Variants in IMMP2L observed in about 807,000 individuals in gnomAD.
The protein encoded by IMMP2L is mitochondrial inner membrane protease subunit 2.
IMMP2L carries 18 observed loss-of-function variants against 19.3 expected under a neutral mutation model. The ratio of observed to expected loss-of-function variants is 0.93; its 90% CI spans 0.64 to 1.38. The LOEUF is 1.38. IMMP2L is among the 40% of genes most tolerant of loss of function. IMMP2L has a pLI of 0.00. For missense variants in IMMP2L, 233 were observed against 218.2 expected, an observed-to-expected ratio of 1.07 and a Z score of -0.43; for synonymous variants, 76 against 73.0, an observed-to-expected ratio of 1.04 and a Z score of -0.21.
chr7:110,965,521 C>T (rs917323917), intron 3 of IMMP2L, among the ~76,000 whole-genome samples: 3 of 151,776 alleles, frequency 2.0e-5, no homozygotes, highest in African/African-American at 4.8e-5. Flanking sequence ...TTGGCCTCAT[C>T]CCTTTATTAA....
chr7:111,447,793 G>A (rs1838662353), intron 3 of IMMP2L, among the ~76,000 whole-genome samples: 3 of 151,774 alleles, frequency 2.0e-5, no homozygotes, highest in African/African-American at 7.3e-5. Flanking sequence ...ACCCATCAGT[G>A]TGCTGCATTC....
At chr7:110,796,408 CACA>C (rs1800865618) in intron 5 of IMMP2L, among the ~76,000 whole-genome samples, 1 of 152,012 alleles carries the variant, frequency 6.6e-6, no homozygotes, top group South Asian at 2.1e-4. Context: ...CCCTTTCCAA[CACA>C]ACAATTCAAA....
At chr7:111,020,458 T>C (rs1826167979) in intron 3 of IMMP2L, among the ~76,000 whole-genome samples, 2 of 150,854 alleles carry the variant, frequency 1.3e-5, no homozygotes, top group Admixed American at 6.6e-5. Context: ...TATAGTATAT[T>C]GCACATTAAA....
chr7:110,700,248 A>C (rs1462117784), intron 5 of IMMP2L, among the ~76,000 whole-genome samples: 3 of 152,252 alleles, frequency 2.0e-5, no homozygotes, highest in Admixed American at 1.3e-4. Context: ...CCTTGCTTTC[A>C]CCTGATCTGG....
intron 3 of IMMP2L, among the ~76,000 whole-genome samples, chr7:111,020,506 A>C (rs1470092013): frequency 1.3e-5 from 2 of 152,224 alleles, no homozygotes; most frequent in East Asian, 3.9e-4. Context: ...TCACGCCTGT[A>C]ATCCCAGCAC....
intron 5 of IMMP2L, among the ~76,000 whole-genome samples, chr7:110,815,412 T>C (rs1403797799): frequency 1.3e-5 from 2 of 152,088 alleles, no homozygotes; most frequent in East Asian, 1.9e-4. Context: ...ATCAAGGATA[T>C]TGGTCTAAAA....
chr7:111,223,040 T>C (rs576665049), intron 3 of IMMP2L, among the ~76,000 whole-genome samples: 6 of 151,868 alleles, frequency 4.0e-5, no homozygotes, highest in African/African-American at 7.3e-5. Flanking sequence ...AAAAGCAACA[T>C]TGAAGAAAAA....
At chr7:111,037,200 A>T (rs971912951) in intron 3 of IMMP2L, among the ~76,000 whole-genome samples, 1 of 152,162 alleles carries the variant, frequency 6.6e-6, no homozygotes, top group African/African-American at 2.4e-5. Flanking sequence ...AGATTCTTAA[A>T]CCAAACTAAC....
chr7:110,928,052 T>C (rs1815055794), intron 4 of IMMP2L, among the ~76,000 whole-genome samples: 1 of 151,854 alleles, frequency 6.6e-6, no homozygotes, highest in Non-Finnish European at 1.5e-5. Context: ...AATAAATAAA[T>C]AAGATTAGCT....
intron 5 of IMMP2L, among the ~76,000 whole-genome samples, chr7:110,702,252 A>G (rs1257161834): frequency 6.6e-6 from 1 of 152,052 alleles, no homozygotes; most frequent in Non-Finnish European, 1.5e-5. Flanking sequence ...GGTTTCTAAA[A>G]TCTTGTTGAA....
At chr7:111,354,793 C>A (rs1008153026) in intron 3 of IMMP2L, among the ~76,000 whole-genome samples, 3 of 151,310 alleles carry the variant, frequency 2.0e-5, no homozygotes, top group African/African-American at 7.3e-5. Context: ...ATATGGAAAA[C>A]CTAGAAATAA....
At chr7:111,270,483 T>C (rs1405973763) in intron 3 of IMMP2L, among the ~76,000 whole-genome samples, 1 of 152,138 alleles carries the variant, frequency 6.6e-6, no homozygotes, top group African/African-American at 2.4e-5. Flanking sequence ...TTTATGTAGA[T>C]GTAGTCCATC....
At chr7:111,298,606 T>A (rs942898680) in intron 3 of IMMP2L, among the ~76,000 whole-genome samples, 2 of 151,244 alleles carry the variant, frequency 1.3e-5, no homozygotes, top group African/African-American at 4.9e-5. Flanking sequence ...ACAAAAAAAA[T>A]TTAGCTGGGC....
At chr7:111,317,223 A>G (rs1489985977) in intron 3 of IMMP2L, among the ~76,000 whole-genome samples, 1 of 152,084 alleles carries the variant, frequency 6.6e-6, no homozygotes, top group Non-Finnish European at 1.5e-5. Context: ...CTGACTTTAC[A>G]TCCTGTACCC....
At chr7:111,346,239 T>C (rs998055377) in intron 3 of IMMP2L, among the ~76,000 whole-genome samples, 6 of 152,068 alleles carry the variant, frequency 3.9e-5, no homozygotes, top group Non-Finnish European at 8.8e-5. Context: ...ATTACAGAAA[T>C]AGAAATACTT....
intron 5 of IMMP2L, among the ~76,000 whole-genome samples, chr7:110,693,324 T>C (rs917637164): frequency 1.3e-5 from 2 of 152,226 alleles, no homozygotes; most frequent in African/African-American, 4.8e-5. Context: ...TATCATCTTA[T>C]ACCAGGACTA....
intron 5 of IMMP2L, among the ~76,000 whole-genome samples, chr7:110,733,429 A>C (rs1157781150): frequency 1.3e-5 from 2 of 150,822 alleles, no homozygotes; most frequent in African/African-American, 4.9e-5. Flanking sequence ...GCAACACTCT[A>C]CTTCACTGAC....
chr7:111,140,943 A>T (rs537132783), intron 3 of IMMP2L, among the ~76,000 whole-genome samples: 1 of 152,320 alleles, frequency 6.6e-6, no homozygotes, highest in African/African-American at 2.4e-5. Context: ...TCTGCTTATA[A>T]TAGAGGAAAA....
At chr7:111,523,740 A>C (rs1345012352) in intron 1 of IMMP2L, among the ~76,000 whole-genome samples, 1 of 152,078 alleles carries the variant, frequency 6.6e-6, no homozygotes, top group East Asian at 1.9e-4. Flanking sequence ...CTATAATCTT[A>C]AGTTAAATTG....
Sources: gnomAD v4.1 joint callset for allele counts (sites outside exome capture counted in the v4.1 genomes callset) on GRCh38, gnomAD v4.1.1 for gene constraint, MANE v1.5 for transcripts, NCBI Gene and HGNC (gene_info 2026-07-23, HGNC 2026-07-21) for gene names.